The following OR51B5 variants were observed in gnomAD, a reference collection of about 807,000 sequenced individuals.
OR51B5 encodes the protein olfactory receptor family 51 subfamily B member 5, also known as olfactory receptor 51B5.
For synonymous variants in OR51B5, 186 were observed against 144.8 expected (o/e 1.28, Z -2.04); for missense variants, 456 against 374.6 (o/e 1.22, Z -1.79).
chr11:5,430,749 C>A (rs544597781), intron 1 of OR51B5: 1 of 456,892 alleles, frequency 2.2e-6, no homozygotes, highest in Admixed American at 2.3e-5. Flanking sequence ...GTACAGGTGG[C>A]ACCAAAAGGC....
chr11:5,347,514 C>A (rs544288754), upstream of OR51B5, among the ~76,000 whole-genome samples: 1 of 151,566 alleles, frequency 6.6e-6, no homozygotes, highest in Non-Finnish European at 1.5e-5. Context: ...CAGCCAAGCA[C>A]ACCACATCAC....
At chr11:5,442,062 C>T (rs1247204810) in intron 1 of OR51B5, among the ~76,000 whole-genome samples, 1 of 152,168 alleles carries the variant, frequency 6.6e-6, no homozygotes, top group Admixed American at 6.6e-5. Flanking sequence ...TGCCCGTGCA[C>T]TTGCTCTTGA....
chr11:5,455,095 G>A (rs1850930646), intron 1 of OR51B5: 2 of 152,148 alleles, frequency 1.3e-5, no homozygotes, highest in Admixed American at 1.3e-4. Context: ...TGTGATCCAG[G>A]TAAACTGATA....
chr11:5,453,244 T>A, intron 1 of OR51B5: 1 of 353,764 alleles, frequency 2.8e-6, no homozygotes, highest in African/African-American at 2.1e-5. Context: ...AATGTCTTCC[T>A]TGTTCATAAA....
chr11:5,369,455 AT>A (rs374227235), intron 1 of OR51B5, among the ~76,000 whole-genome samples: 1 of 152,160 alleles, frequency 6.6e-6, no homozygotes, highest in Non-Finnish European at 1.5e-5. Context: ...CTTTTTATAT[AT>A]TTTTTCTGGA....
intron 1 of OR51B5, among the ~76,000 whole-genome samples, chr11:5,410,433 A>T (rs1223244781): frequency 6.6e-5 from 10 of 152,202 alleles, no homozygotes; most frequent in Admixed American, 6.5e-4. Flanking sequence ...TATCTACGAG[A>T]TAATCACTAA....
At chr11:5,373,365 G>C (rs537062572) in intron 1 of OR51B5, among the ~76,000 whole-genome samples, 166 of 152,288 alleles carry the variant, frequency 1.1e-3, no homozygotes, top group Non-Finnish European at 1.4e-3. Context: ...TGGCCAAATA[G>C]GAACAGCTCT....
At chr11:5,358,793 C>A (rs1849234425) in intron 1 of OR51B5, among the ~76,000 whole-genome samples, 1 of 152,162 alleles carries the variant, frequency 6.6e-6, no homozygotes, top group South Asian at 2.1e-4. Flanking sequence ...AGCTTATCCA[C>A]CATGATCAAG....
chr11:5,426,742 TCTCC>T (rs1292724136), intron 1 of OR51B5, among the ~76,000 whole-genome samples: 1 of 152,150 alleles, frequency 6.6e-6, no homozygotes, highest in African/African-American at 2.4e-5. Context: ...TCTCTCTCTG[TCTCC>T]CTGTTTTTCT....
At chr11:5,343,462 A>G (rs534026223) in exon 1 of OR51B5, 1 of 1,566,928 alleles carries the variant, frequency 6.4e-7, no homozygotes, top group South Asian at 1.1e-5. Flanking sequence ...TCCAGTGATG[A>G]GCTTCCTCCA....
chr11:5,476,290 T>C (rs1454986194), intron 1 of OR51B5, among the ~76,000 whole-genome samples: 1 of 152,230 alleles, frequency 6.6e-6, no homozygotes, highest in Non-Finnish European at 1.5e-5. Flanking sequence ...GATTCATATT[T>C]TGCATATCAA....
intron 1 of OR51B5, chr11:5,393,275 AC>A (rs1849823814): frequency 6.6e-6 from 1 of 152,360 alleles, no homozygotes; most frequent in Admixed American, 6.5e-5. Flanking sequence ...ATGTAAGCAT[AC>A]AAAATGTCTA....
chr11:5,342,809 C>T (rs535530130), exon 1 of OR51B5: 3 of 1,613,384 alleles, frequency 1.9e-6, no homozygotes, highest in Non-Finnish European at 2.5e-6. Context: ...ATGGGAGACA[C>T]AGGTAATGAG....
At chr11:5,504,008 T>C (rs774719149) in intron 1 of OR51B5, among the ~76,000 whole-genome samples, 19 of 152,128 alleles carry the variant, frequency 1.2e-4, no homozygotes, top group Non-Finnish European at 2.4e-4. Context: ...ATACTACTAA[T>C]ATCTGCGCTA....
intron 1 of OR51B5, among the ~76,000 whole-genome samples, chr11:5,444,278 G>A (rs1157463935): frequency 2.6e-5 from 4 of 152,120 alleles, no homozygotes; most frequent in African/African-American, 9.7e-5. Context: ...TTCTCCAGCT[G>A]TACACACAAA....
chr11:5,489,559 G>A, intron 1 of OR51B5: 2 of 1,614,046 alleles, frequency 1.2e-6, no homozygotes, highest in East Asian at 2.2e-5. Flanking sequence ...TAATCTCTAT[G>A]TGCTGGTGCC....
chr11:5,440,762 C>G lies in OR51B5; in HGVS notation n.84+64807G>C. The G allele has an allele frequency of 1.9e-6, 3 of 1,613,904 alleles. No individual in the cohort carries two copies. In the South Asian group the frequency reaches 3.3e-5, roughly 18 times the overall value. On this transcript the variant is annotated intron_variant and non_coding_transcript_variant, in intron 1 of 4. Transcript: ENST00000415970. ...CAGCAATTATGGGCACATAAAAGGC[C>G]AGCACTGCACAGATGTGTGACATGC...
In OR51B5 at chr11:5,355,979, G is replaced by A. The variant is rs545317714; in HGVS notation, n.85-9069C>T. Among the ~76,000 whole-genome samples, 7 of 151,770 alleles carry A rather than the reference G, an allele frequency of 4.6e-5. 1 individual carries two copies. Among genetic ancestry groups the A allele is most frequent in the Non-Finnish European group, 7.4e-5 (5 of 67,960 alleles). On this transcript the variant is annotated intron_variant and non_coding_transcript_variant, in intron 1 of 4. Transcript: ENST00000415970. ...ATCCACACCAAAAACCCATCTGTAC[G>A]TCACCATCATCAAAGACCAAAGGTA... is the stretch of plus-strand genomic sequence containing the variant.
intron 1 of OR51B5, among the ~76,000 whole-genome samples, chr11:5,469,802 G>C (rs1010492031): frequency 8.6e-5 from 13 of 152,016 alleles, no homozygotes; most frequent in African/African-American, 3.1e-4. Flanking sequence ...CATAAGTGAG[G>C]TGCACCATGT....
Sources: allele counts gnomAD v4.1 joint callset (sites outside exome capture counted in the v4.1 genomes callset), GRCh38; gene constraint gnomAD v4.1.1; transcripts MANE v1.5; gene names NCBI Gene and HGNC (gene_info 2026-07-23, HGNC 2026-07-21).